The following CSMD1 variants were observed in gnomAD, a reference collection of about 807,000 sequenced individuals.
CSMD1 encodes CUB and Sushi multiple domains 1, also known as CUB and sushi domain-containing protein 1.
CSMD1 carries 213 observed loss-of-function variants against 417.5 expected under a neutral mutation model. The observed-to-expected ratio is 0.51, with a 90% CI of 0.46 to 0.57. The LOEUF (loss-of-function observed/expected upper bound fraction) is 0.57, where lower values mean the gene tolerates loss of function less well. Ranked by LOEUF, CSMD1 falls within the 20% of genes least tolerant of loss-of-function variation. The pLI, the probability that CSMD1 is intolerant of heterozygous loss-of-function variation, is 0.00. For synonymous variants in CSMD1, 2,862 were observed against 1,736.8 expected (o/e 1.65, Z -16.11); for missense variants, 6,923 against 4,529.7 (o/e 1.53, Z -15.17).
chr8:3,104,564 A>G (rs1200873753), intron 46 of CSMD1, among the ~76,000 whole-genome samples: 1 of 152,184 alleles, frequency 6.6e-6, no homozygotes, highest in Non-Finnish European at 1.5e-5. Context: ...CTAAGTTATT[A>G]TGGATATCTG....
intron 5 of CSMD1, among the ~76,000 whole-genome samples, chr8:3,774,266 G>A (rs138258250): frequency 1.2e-3 from 180 of 152,200 alleles, no homozygotes; most frequent in African/African-American, 4.1e-3. Context: ...CTTACAGATT[G>A]CTGCAATCAG....
chr8:4,399,559 A>G (rs1047882033), intron 3 of CSMD1, among the ~76,000 whole-genome samples: 10 of 152,106 alleles, frequency 6.6e-5, no homozygotes, highest in Admixed American at 1.3e-4. Flanking sequence ...AACTGGCATA[A>G]TCCCCCTTTT....
chr8:4,139,715 C>T lies in CSMD1; in HGVS notation c.416-107616G>A, dbSNP rs1803665719. Among the ~76,000 whole-genome samples the T allele has an allele frequency of 1.3e-5, 2 of 150,998 alleles. 1 individual carries two copies. The highest frequency in any genetic ancestry group is 5.0e-5 in the African/African-American group (2 of 40,342). ...AGAATGATGATTTTGGTGGGAAGCC[C>T]CGAGTGATGCTTGAGTAGATGAGTA... On this transcript the variant is annotated intron_variant, in intron 3 of 69. Coordinates refer to ENST00000635120, the MANE Select transcript of CSMD1 (RefSeq NM_033225.6).
intron 2 of CSMD1, among the ~76,000 whole-genome samples, chr8:4,564,260 T>C (rs1233952619): frequency 6.6e-6 from 1 of 152,186 alleles, no homozygotes; most frequent in Non-Finnish European, 1.5e-5. Context: ...CAGATAACAG[T>C]TTTATAATTT....
intron 1 of CSMD1, among the ~76,000 whole-genome samples, chr8:4,886,529 TG>T (rs1803751231): frequency 6.6e-6 from 1 of 151,968 alleles, no homozygotes; most frequent in African/African-American, 2.4e-5. Flanking sequence ...AGTTGGAAAG[TG>T]TTTCCTTCTC....
chr8:4,030,686 T>C (rs1255551162), intron 4 of CSMD1, among the ~76,000 whole-genome samples: 3 of 152,224 alleles, frequency 2.0e-5, no homozygotes, highest in African/African-American at 7.2e-5. Flanking sequence ...TCTTGTTACT[T>C]ATACAAATTT....
intron 2 of CSMD1, among the ~76,000 whole-genome samples, chr8:4,453,874 T>C (rs766640411): frequency 7.0e-5 from 9 of 128,204 alleles, no homozygotes; most frequent in Non-Finnish European, 1.6e-5. Context: ...CACGCTGGAG[T>C]GCACTGGCGC....
intron 3 of CSMD1, among the ~76,000 whole-genome samples, chr8:4,113,462 T>C (rs982851338): frequency 3.6e-5 from 5 of 139,434 alleles, no homozygotes; most frequent in African/African-American, 1.4e-4. Flanking sequence ...TGGACTGCAA[T>C]GGTGCAATCT....
At chr8:2,949,856 A>T (rs1802505089) in intron 67 of CSMD1, among the ~76,000 whole-genome samples, 2 of 152,058 alleles carry the variant, frequency 1.3e-5, no homozygotes, top group South Asian at 4.1e-4. Context: ...AAATCTTTCT[A>T]TTTATCTGGG....
intron 1 of CSMD1, among the ~76,000 whole-genome samples, chr8:4,953,921 A>G (rs989394222): frequency 6.6e-6 from 1 of 152,072 alleles, no homozygotes; most frequent in African/African-American, 2.4e-5. Flanking sequence ...AAGGGTTTTG[A>G]TGTTTAAAAA....
At chr8:2,998,594 C>G (rs909625322) in intron 53 of CSMD1, among the ~76,000 whole-genome samples, 1 of 152,182 alleles carries the variant, frequency 6.6e-6, no homozygotes, top group African/African-American at 2.4e-5. Flanking sequence ...CCTTTTGAGA[C>G]AGTATGGGAT....
intron 5 of CSMD1, among the ~76,000 whole-genome samples, chr8:3,821,898 C>A (rs574872444): frequency 6.6e-6 from 1 of 152,308 alleles, no homozygotes; most frequent in African/African-American, 2.4e-5. Context: ...ATGAACTGTG[C>A]TTCCAGAAGC....
At chr8:3,729,642 A>T (rs1408734231) in intron 6 of CSMD1, among the ~76,000 whole-genome samples, 1 of 151,770 alleles carries the variant, frequency 6.6e-6, no homozygotes, top group African/African-American at 2.4e-5. Flanking sequence ...AACTCAACTT[A>T]GAGGAAGCGA....
At chr8:3,415,242 A>T (rs1563365709) in intron 12 of CSMD1, among the ~76,000 whole-genome samples, 1 of 152,044 alleles carries the variant, frequency 6.6e-6, no homozygotes, top group Non-Finnish European at 1.5e-5. Flanking sequence ...ATTACCTTAC[A>T]TACTTCTGAT....
chr8:3,648,315 G>T (rs1426883393), intron 7 of CSMD1, among the ~76,000 whole-genome samples: 2 of 152,102 alleles, frequency 1.3e-5, no homozygotes, highest in Non-Finnish European at 2.9e-5. Context: ...TTGCCTTGCT[G>T]AAATAATAGT....
At chr8:4,508,717 A>T (rs549272672) in intron 2 of CSMD1, among the ~76,000 whole-genome samples, 15 of 152,162 alleles carry the variant, frequency 9.9e-5, no homozygotes, top group Non-Finnish European at 2.2e-4. Context: ...TAGCTGCTTC[A>T]AAGGGGAATC....
chr8:3,601,410 C>G (rs1270044383), intron 8 of CSMD1, among the ~76,000 whole-genome samples: 2 of 152,166 alleles, frequency 1.3e-5, no homozygotes, highest in African/African-American at 4.8e-5. Context: ...GATGTTTATG[C>G]TATCAAACAG....
At chr8:4,349,660 A>C (rs1338687700) in intron 3 of CSMD1, among the ~76,000 whole-genome samples, 2 of 152,196 alleles carry the variant, frequency 1.3e-5, no homozygotes, top group Non-Finnish European at 2.9e-5. Flanking sequence ...TATTTGGCTA[A>C]ATGGTAAATT....
chr8:4,768,462 A>C (rs1319949245), intron 1 of CSMD1, among the ~76,000 whole-genome samples: 1 of 152,214 alleles, frequency 6.6e-6, no homozygotes, highest in African/African-American at 2.4e-5. Flanking sequence ...CATTATTTGC[A>C]GTTGATTCTC....
Sources: allele counts gnomAD v4.1 joint callset (sites outside exome capture counted in the v4.1 genomes callset), GRCh38; gene constraint gnomAD v4.1.1; transcripts MANE v1.5; gene names NCBI Gene and HGNC (gene_info 2026-07-23, HGNC 2026-07-21).